CBFA2T2: variants seen among roughly 807,000 people sequenced by gnomAD.
The protein encoded by CBFA2T2 is protein CBFA2T2.
Under a neutral mutation model 62.2 loss-of-function variants are expected in CBFA2T2, and 11 were observed. That is an observed-to-expected ratio of 0.18 (90% CI 0.11 to 0.29). CBFA2T2 has a LOEUF of 0.29. Among genes scored for constraint, CBFA2T2 ranks in the 10% least tolerant of loss-of-function variants. The probability of loss-of-function intolerance (pLI) is 1.00; values close to 1 mark genes in which losing one functional copy is unlikely to be tolerated. For missense variants in CBFA2T2, 592 were observed against 774.1 expected, an observed-to-expected ratio of 0.76 and a Z score of 2.79; for synonymous variants, 295 against 287.5, an observed-to-expected ratio of 1.03 and a Z score of -0.27.
rs574995767 is a variant in CBFA2T2 at position 33,627,190 on chromosome 20, G to C, written c.947-1160G>C. ...AGGTGGGCGAATCGTGAGGTCAGGA[G>C]ATCGAGACCATCCTGGCTAACATGG... On this transcript the variant is annotated intron_variant, in intron 6 of 10. Transcript: ENST00000342704. Among the ~76,000 whole-genome samples the C allele has an allele frequency of 1.3e-4, 20 of 152,236 alleles. No homozygotes were observed. The East Asian group carries it at 3.7e-3, about 28-fold the overall frequency.
At chr20:33,642,114 TTTTGTGTGTG>T (rs58557614) in intron 10 of CBFA2T2, among the ~76,000 whole-genome samples, 4,881 of 62,826 alleles carry the variant, frequency 0.078, 199 homozygotes, top group African/African-American at 0.19. Flanking sequence ...TCTTTTTTTT[TTTTGTGTGTG>T]TGTGTGTGTG....
At chr20:33,640,854 A>G (rs1186537415) in intron 10 of CBFA2T2, among the ~76,000 whole-genome samples, 2 of 152,190 alleles carry the variant, frequency 1.3e-5, no homozygotes, top group Non-Finnish European at 1.5e-5. Context: ...GATGACCAGC[A>G]TTGACGGAGT....
intron 6 of CBFA2T2, 107 bp downstream of exon 6, chr20:33,625,124 A>G: frequency 9.2e-7 from 1 of 1,083,728 alleles, no homozygotes; most frequent in Non-Finnish European, 1.3e-6. Flanking sequence ...TGATTGGATA[A>G]AACAATATTA....
At chr20:33,511,191 T>C (rs775424922) in intron 1 of CBFA2T2, among the ~76,000 whole-genome samples, 1 of 152,222 alleles carries the variant, frequency 6.6e-6, no homozygotes, top group Admixed American at 6.5e-5. Flanking sequence ...TTTGGTGTTT[T>C]AGTCATGAAG....
intron 10 of CBFA2T2, among the ~76,000 whole-genome samples, 188 bp downstream of exon 10, chr20:33,640,719 T>G (rs2016801295): frequency 6.6e-6 from 1 of 151,806 alleles, no homozygotes; most frequent in African/African-American, 2.4e-5. Context: ...AGATAGTGAA[T>G]TATTACATTG....
In CBFA2T2 at chr20:33,593,550, G is replaced by A. The variant is rs189404916; in HGVS notation, c.35-13406G>A. Among the ~76,000 whole-genome samples, 3 of 151,494 alleles carry A rather than the reference G, an allele frequency of 2.0e-5. No individual in the cohort carries two copies. In the East Asian group the frequency reaches 5.9e-4, roughly 30 times the overall value. ...TGGGATTACAGGCACCTGCCACCAC[G>A]CCTGGCTAATTTTTGTATTTTCACT... On this transcript the variant is annotated intron_variant, in intron 1 of 10. Transcript: ENST00000342704.
At chr20:33,579,878 G>A (rs1012768136) in intron 1 of CBFA2T2, among the ~76,000 whole-genome samples, 4 of 150,726 alleles carry the variant, frequency 2.7e-5, no homozygotes, top group East Asian at 3.9e-4. Context: ...GCAATGGCAC[G>A]GTCTCGGCTC....
At chr20:33,626,779 G>A (rs1475871584) in intron 6 of CBFA2T2, among the ~76,000 whole-genome samples, 1 of 152,190 alleles carries the variant, frequency 6.6e-6, no homozygotes, top group Non-Finnish European at 1.5e-5. Context: ...CTGGCATCAT[G>A]TAGTGGGATA....
rs2012999361 is a variant in CBFA2T2, at chr20:33,558,833, G to A, written c.35-48123G>A. On this transcript the variant is annotated intron_variant, in intron 1 of 10. Transcript: ENST00000342704. ...TTTTCGCCAACTGTTTGGGGGGGCG[G>A]CGATTCTTGAATCTTTATTTTAGAT... 2.6e-5 allele frequency among the ~76,000 whole-genome samples: 4 copies of A among 151,404 alleles called. 1 individual carries two copies. The highest frequency in any genetic ancestry group is 9.8e-5 in the African/African-American group (4 of 40,834).
chr20:33,599,840 C>T (rs988752326), intron 1 of CBFA2T2, among the ~76,000 whole-genome samples: 4 of 152,068 alleles, frequency 2.6e-5, no homozygotes, highest in Admixed American at 1.3e-4. Context: ...GTGATCCACC[C>T]ACCTCAACCT....
At chr20:33,640,252 T>G in intron 9 of CBFA2T2, 89 bp from the exon 10 acceptor site, 3 of 1,182,438 alleles carry the variant, frequency 2.5e-6, no homozygotes, top group Non-Finnish European at 3.6e-6. Context: ...AAGATCACTT[T>G]GTGTCAGCTC....
At chr20:33,545,947 A>G (rs964357097) in intron 1 of CBFA2T2, among the ~76,000 whole-genome samples, 3 of 152,264 alleles carry the variant, frequency 2.0e-5, no homozygotes, top group South Asian at 2.1e-4. Context: ...AGCTGTTAAC[A>G]TAATCTGTCA....
At chr20:33,578,797 C>T (rs959418353) in intron 1 of CBFA2T2, among the ~76,000 whole-genome samples, 1 of 152,108 alleles carries the variant, frequency 6.6e-6, no homozygotes, top group African/African-American at 2.4e-5. Context: ...AGTGCTGGTC[C>T]GATTATCAAG....
chr20:33,573,205 GAC>G (rs996706875), intron 1 of CBFA2T2, among the ~76,000 whole-genome samples: 1 of 152,166 alleles, frequency 6.6e-6, no homozygotes, highest in Non-Finnish European at 1.5e-5. Context: ...TAGTAGAAGA[GAC>G]AGGCAGTAAA....
intron 1 of CBFA2T2, among the ~76,000 whole-genome samples, chr20:33,575,750 AT>A (rs1422171192): frequency 6.6e-6 from 1 of 152,066 alleles, no homozygotes; most frequent in African/African-American, 2.4e-5. Context: ...GTGGCACAAT[AT>A]GACAAATGAC....
chr20:33,547,187 G>A lies in CBFA2T2; in HGVS notation c.34+56886G>A, dbSNP rs560132180. ...TGCACTCTAGCCTGGGCAACAGGGC[G>A]AGACTCCGTCTCAAAAAGAAAAAAA... On this transcript the variant is annotated intron_variant, in intron 1 of 10. Transcript: ENST00000342704. Among the ~76,000 whole-genome samples the A allele has an allele frequency of 3.9e-5, 6 of 152,122 alleles. No homozygotes were observed. The South Asian group carries it at 1.2e-3, about 32-fold the overall frequency.
At chr20:33,603,123 C>T (rs564576932) in intron 1 of CBFA2T2, among the ~76,000 whole-genome samples, 53 of 152,222 alleles carry the variant, frequency 3.5e-4, no homozygotes, top group Middle Eastern at 3.4e-3. Context: ...TAACTGAAAC[C>T]GTGGAAACTG....
chr20:33,544,519 T>C (rs2012482580), intron 1 of CBFA2T2, among the ~76,000 whole-genome samples: 1 of 152,126 alleles, frequency 6.6e-6, no homozygotes, highest in South Asian at 2.1e-4. Flanking sequence ...GGGAATCTTG[T>C]CTATTTGATT....
At chr20:33,640,245 A>T in intron 9 of CBFA2T2, 96 bp from the exon 10 acceptor site, 2 of 1,119,458 alleles carry the variant, frequency 1.8e-6, no homozygotes, top group East Asian at 2.6e-5. Flanking sequence ...TTTAGAAAAG[A>T]TCACTTTGTG....
Sources: allele counts gnomAD v4.1 joint callset (sites outside exome capture counted in the v4.1 genomes callset), GRCh38; gene constraint gnomAD v4.1.1; transcripts MANE v1.5; gene names NCBI Gene and HGNC (gene_info 2026-07-23, HGNC 2026-07-21).